PLA2G4F: variants seen among roughly 807,000 people sequenced by gnomAD.
PLA2G4F encodes the protein phospholipase A2 group IVF, also known as cytosolic phospholipase A2 zeta.
PLA2G4F carries 105 observed loss-of-function variants against 103.1 expected under a neutral mutation model. The ratio of observed to expected loss-of-function variants is 1.02; its 90% CI spans 0.87 to 1.20. PLA2G4F has a LOEUF of 1.20. PLA2G4F is among the 50% of genes most tolerant of loss of function. The pLI, the probability that PLA2G4F is intolerant of heterozygous loss-of-function variation, is 0.00. For synonymous variants in PLA2G4F, 468 were observed against 441.1 expected (o/e 1.06, Z -0.76); for missense variants, 1,155 against 1,075.9 (o/e 1.07, Z -1.03).
At position 42,147,567 on chromosome 15, in the gene PLA2G4F, C is replaced by T. The variant is rs935591271; in HGVS notation, c.1196+59G>A. The T allele has an allele frequency of 1.9e-6, 3 of 1,581,520 alleles. No individual in the cohort carries two copies. The Admixed American group carries it at 5.1e-5, about 27-fold the overall frequency. On this transcript the variant is annotated intron_variant, in intron 12 of 19. Transcript: ENST00000397272. ...CAGGGACTCCTTAAGATCACCAGGTCACAACCCCACACTTTGTGGGGTCTC... is the reference window on the plus strand; with the variant it reads ...CAGGGACTCCTTAAGATCACCAGGTTACAACCCCACACTTTGTGGGGTCTC...
chr15:42,143,123 G>A (rs865891157), intron 18 of PLA2G4F, among the ~76,000 whole-genome samples: 18 of 140,824 alleles, frequency 1.3e-4, no homozygotes, highest in East Asian at 6.3e-4. Flanking sequence ...AGGTTGCAGC[G>A]AGCCAAGATT....
intron 1 of PLA2G4F, 63 bp from the exon 2 acceptor site, chr15:42,155,652 T>G: frequency 1.3e-6 from 2 of 1,519,508 alleles, no homozygotes; most frequent in Non-Finnish European, 1.8e-6. Flanking sequence ...CGCCCCATTG[T>G]TCCCCTCGTC....
Position 42,140,213 on chromosome 15 carries a change from T to C in PLA2G4F, c.*1771A>G, listed in dbSNP as rs1312975653. 1 of 152,236 alleles carries C rather than the reference T, an allele frequency of 6.6e-6. No homozygotes were observed. The highest frequency in any genetic ancestry group is 6.5e-5 in the Admixed American group (1 of 15,282). The allele number at this position is 152,236 out of a possible 1,614,324, so 9.4% of individuals were successfully genotyped here. On this transcript the variant is annotated 3_prime_UTR_variant, in exon 20 of 20. Coordinates refer to ENST00000397272, the MANE Select transcript of PLA2G4F (RefSeq NM_213600.4). Reference sequence around the variant, plus strand: ...TCAAATATTTACTGAGCACCTACCATGTATCAACTGCTGCTCTAGGCACTG... The same window carrying C: ...TCAAATATTTACTGAGCACCTACCACGTATCAACTGCTGCTCTAGGCACTG...
chr15:42,153,522 G>A (rs1285935717), intron 5 of PLA2G4F, 98 bp downstream of exon 5: 3 of 1,538,110 alleles, frequency 2.0e-6, no homozygotes, highest in Non-Finnish European at 2.7e-6. Flanking sequence ...TCCAGGCCAG[G>A]CCTCCAAGGC....
intron 7 of PLA2G4F, chr15:42,151,220 G>T (rs1223186133): frequency 4.1e-6 from 4 of 985,298 alleles, no homozygotes; most frequent in Non-Finnish European, 4.8e-6. Context: ...AAGTTGTTCT[G>T]GCCTTTGTTT....
At chr15:42,147,454 C>G (rs2048904890) in intron 12 of PLA2G4F, 108 bp from the exon 13 acceptor site, 2 of 1,384,452 alleles carry the variant, frequency 1.4e-6, no homozygotes, top group Admixed American at 1.8e-5. Context: ...GCACTGCTGC[C>G]CTGCAAACAA....
chr15:42,144,608 C>T lies in PLA2G4F; in HGVS notation c.1817G>A (p.Arg606Lys). ...TGGGGTGAGGAGCCTCGTTCGCAGC[C>T]TCGAGGGGTTGTGCAGCTGAGGCTT... ...CQKPQLHNPS[R>K]LRTRLLTPQG... Residue 606 changes from arginine (R) to lysine (K), a missense_variant, in exon 17 of 20, where the codon AGG becomes AAG. Physicochemically the swap from Arg to Lys is conservative, Grantham distance 26 (BLOSUM62 2). Coordinates refer to ENST00000397272, the MANE Select transcript of PLA2G4F (RefSeq NM_213600.4). 1 of 1,609,238 alleles carries T rather than the reference C, an allele frequency of 6.2e-7. No individual in the cohort carries two copies. The highest frequency in any genetic ancestry group is 8.5e-7 in the Non-Finnish European group (1 of 1,177,236).
chr15:42,153,312 G>T lies in PLA2G4F; in HGVS notation c.522C>A (p.Asn174Lys). ...CTTCCCCACTCACCACCAGAACCCC[G>T]TTGGTGATGACTTCAGATGCAGGCA... ...SQVPASEVIT[N>K]GVLVAHPCLR... is the part of the protein sequence containing the mutation. Residue 174 changes from asparagine (N) to lysine (K), a missense_variant, in exon 6 of 20, where the codon AAC becomes AAA. By Grantham distance (94) the Asn-to-Lys change is moderately conservative. This residue lies in a region of PLA2G4F where 370 missense variants were observed against 364.9 expected (regional missense o/e 1.01). Coordinates refer to ENST00000397272, the MANE Select transcript of PLA2G4F (RefSeq NM_213600.4). The T allele has an allele frequency of 1.2e-6, 2 of 1,614,136 alleles. No homozygotes were observed. Among genetic ancestry groups the T allele is most frequent in the Non-Finnish European group, 8.5e-7 (1 of 1,179,994 alleles).
At chr15:42,154,823 T>C (rs1417785603) in intron 2 of PLA2G4F, among the ~76,000 whole-genome samples, 1 of 152,100 alleles carries the variant, frequency 6.6e-6, no homozygotes, top group African/African-American at 2.4e-5. Context: ...CCTCACACTG[T>C]CACCCAGGGC....
chr15:42,142,898 C>T (rs1595615545), intron 18 of PLA2G4F, among the ~76,000 whole-genome samples, 184 bp from the exon 19 acceptor site: 1 of 151,920 alleles, frequency 6.6e-6, no homozygotes, highest in Non-Finnish European at 1.5e-5. Flanking sequence ...TTTAAACTTC[C>T]GGCCGGGCAT....
chr15:42,155,682 T>G (rs1595626451), intron 1 of PLA2G4F, 93 bp from the exon 2 acceptor site: 3 of 1,276,720 alleles, frequency 2.3e-6, no homozygotes, highest in East Asian at 2.4e-5. Flanking sequence ...AGCAGCAACC[T>G]GGCATAGGGT....
chr15:42,151,529 T>C (rs2048962799), intron 7 of PLA2G4F: 1 of 984,788 alleles, frequency 1.0e-6, no homozygotes, highest in Admixed American at 6.2e-5. Context: ...TAACACAACA[T>C]GGAAGCAACA....
intron 13 of PLA2G4F, 138 bp downstream of exon 13, chr15:42,146,986 A>AC: frequency 1.2e-6 from 1 of 842,840 alleles, no homozygotes; most frequent in Non-Finnish European, 1.8e-6. Context: ...CTGGAGTCAC[A>AC]CTCCTGGCCC....
intron 11 of PLA2G4F, chr15:42,148,949 G>A (rs567365010): frequency 4.1e-6 from 4 of 985,262 alleles, no homozygotes; most frequent in Non-Finnish European, 4.8e-6. Flanking sequence ...GAACGATCTA[G>A]CCTTGTCAGC....
Position 42,147,180 on chromosome 15 carries a change from T to C in PLA2G4F, c.1363A>G (p.Ser455Gly). 1.2e-6 allele frequency: 2 copies of C among 1,612,934 alleles called. No homozygotes were observed. The highest frequency in any genetic ancestry group is 1.7e-6 in the Non-Finnish European group (2 of 1,179,964). ...CCCCAGAGGTCGATGAGGGACACGC[T>C]GTGGCCACTGCGCTCCCGGACCCCC... ...ELGVRERSGH[S>G]VSLIDLWGLL... is the part of the protein sequence containing the mutation. The change falls in exon 13 of 20, where the codon AGC becomes GGC. Residue 455 changes from serine to glycine, a missense_variant. Around this residue, in one of 3 missense-constraint regions of PLA2G4F, gnomAD observed 782 missense variants for 692.9 expected, o/e 1.13. Transcript: ENST00000397272.
At chr15:42,143,070 T>C (rs1376878997) in intron 18 of PLA2G4F, among the ~76,000 whole-genome samples, 2 of 149,898 alleles carry the variant, frequency 1.3e-5, no homozygotes, top group Non-Finnish European at 1.5e-5. Context: ...TCCCAGCTAC[T>C]CGGGAGGCTG....
rs1291046079 is a variant in PLA2G4F, at chr15:42,139,432, C to G, written c.*2552G>C. 1 of 152,116 alleles carries G rather than the reference C, an allele frequency of 6.6e-6. No homozygotes were observed. Among genetic ancestry groups the G allele is most frequent in the Non-Finnish European group, 1.5e-5 (1 of 68,088 alleles). 9.4% of individuals were successfully genotyped at this position (152,116 alleles called of 1,614,324 possible). A position where few individuals can be genotyped will look rare whatever the true frequency, so the allele number is the denominator to read the frequency against. ...CTGACCAATCTCCTACACTTGTGGC[C>G]CCCTTTTTCTTCCCTTGCCTCATGA... On this transcript the variant is annotated 3_prime_UTR_variant, in exon 20 of 20. Coordinates refer to ENST00000397272, the MANE Select transcript of PLA2G4F (RefSeq NM_213600.4).
intron 5 of PLA2G4F, 128 bp from the exon 6 acceptor site, chr15:42,153,470 GC>G: frequency 1.4e-6 from 2 of 1,463,452 alleles, no homozygotes; most frequent in Non-Finnish European, 1.9e-6. Flanking sequence ...GGGCGAGCCT[GC>G]CGCCCAACAT....
Position 42,156,542 on chromosome 15 carries a change from CA to C in PLA2G4F, c.7del (p.Trp3GlyfsTer46), listed in dbSNP as rs1566883491. 1 of 1,548,746 alleles carries C rather than the reference CA, an allele frequency of 6.5e-7. No homozygotes were observed. Among genetic ancestry groups the C allele is most frequent in the South Asian group, 1.2e-5 (1 of 83,806 alleles). On this transcript the variant is annotated frameshift_variant, in exon 1 of 20. Coordinates refer to ENST00000397272, the MANE Select transcript of PLA2G4F (RefSeq NM_213600.4). LOFTEE classifies it high-confidence loss of function. ML[W>X]ALWPRWLADK... Reference sequence around the variant, plus strand: ...TGCCAGCCACCTTGGCCAGAGTGCCCAAAGCATGGCTGGGCAGCCCGGGCCC... The same window carrying C: ...TGCCAGCCACCTTGGCCAGAGTGCCCAAGCATGGCTGGGCAGCCCGGGCCC...
Sources: allele counts gnomAD v4.1 joint callset (sites outside exome capture counted in the v4.1 genomes callset), GRCh38; gene constraint gnomAD v4.1.1; regional missense constraint gnomAD v4.1.1; transcripts MANE v1.5; gene names NCBI Gene and HGNC (gene_info 2026-07-23, HGNC 2026-07-21).